ZNF385D: variants seen among roughly 807,000 people sequenced by gnomAD.
ZNF385D encodes zinc finger protein 659.
ZNF385D carries 15 observed loss-of-function variants against 35.8 expected under a neutral mutation model. That is an observed-to-expected ratio of 0.42 (90% CI 0.28 to 0.64). The LOEUF (loss-of-function observed/expected upper bound fraction) is 0.64, where lower values mean the gene tolerates loss of function less well. ZNF385D is among the 30% of genes least tolerant of loss of function. ZNF385D has a pLI of 0.23. For synonymous variants in ZNF385D, 212 were observed against 186.8 expected (o/e 1.13, Z -1.10); for missense variants, 474 against 494.6 (o/e 0.96, Z 0.39).
intron 3 of ZNF385D, among the ~76,000 whole-genome samples, chr3:21,946,204 C>T (rs1489146383): frequency 6.6e-6 from 1 of 152,014 alleles, no homozygotes; most frequent in African/African-American, 2.4e-5. Context: ...GAACTTTTCT[C>T]TTTTAACTTA....
At chr3:22,153,001 G>A (rs1413549259) in intron 3 of ZNF385D, among the ~76,000 whole-genome samples, 1 of 152,100 alleles carries the variant, frequency 6.6e-6, no homozygotes, top group African/African-American at 2.4e-5. Flanking sequence ...AGCTTAAAAT[G>A]TGCCATGGTG....
intron 3 of ZNF385D, among the ~76,000 whole-genome samples, chr3:21,922,491 T>C (rs563446528): frequency 4.7e-4 from 72 of 152,304 alleles, no homozygotes; most frequent in African/African-American, 1.4e-3. Context: ...GTCACACACG[T>C]ACAGCCATCT....
chr3:21,703,465 CT>C lies in ZNF385D; in HGVS notation c.23-38438del, dbSNP rs145958761. On this transcript the variant is annotated intron_variant, in intron 1 of 7. Coordinates refer to ENST00000281523, the MANE Select transcript of ZNF385D (RefSeq NM_024697.3). ...TAGCTCAAAGATAACCATTCTTCTCCTTGCCCAGGATATTGTGCAATCCCTT... is the reference window on the plus strand; with the variant it reads ...TAGCTCAAAGATAACCATTCTTCTCCTGCCCAGGATATTGTGCAATCCCTT... Among the ~76,000 whole-genome samples the C allele has an allele frequency of 6.7e-3, 1,024 of 152,202 alleles. 11 individuals are homozygous for C. The highest frequency in any genetic ancestry group is 0.023 in the African/African-American group (944 of 41,534).
chr3:21,471,291 TCTCTCACACACACA>T (rs1477053681), intron 4 of ZNF385D, among the ~76,000 whole-genome samples: 9 of 22,356 alleles, frequency 4.0e-4, no homozygotes, highest in Non-Finnish European at 8.7e-4. Context: ...TCTCTCTCTC[TCTCTCACACACACA>T]CACACACACA....
chr3:22,176,593 T>A (rs539163654), intron 2 of ZNF385D, among the ~76,000 whole-genome samples: 19 of 152,294 alleles, frequency 1.2e-4, no homozygotes, highest in East Asian at 1.2e-3. Flanking sequence ...AACTGAATAT[T>A]TGCAGACTCA....
intron 3 of ZNF385D, among the ~76,000 whole-genome samples, chr3:22,123,695 A>G (rs955701821): frequency 2.0e-5 from 3 of 152,090 alleles, no homozygotes; most frequent in Admixed American, 2.0e-4. Flanking sequence ...CCCCATCTCT[A>G]CTAAAAAGTA....
intron 3 of ZNF385D, among the ~76,000 whole-genome samples, chr3:22,070,491 T>G (rs1700178424): frequency 6.6e-6 from 1 of 152,112 alleles, no homozygotes; most frequent in Non-Finnish European, 1.5e-5. Context: ...TGCTTCATTA[T>G]CTCAAATTTC....
At position 22,221,392 on chromosome 3, in the gene ZNF385D, C is replaced by A. The variant is rs200953312; in HGVS notation, c.107-52357G>T. ...ATCACATTGCATATATACCCCCCCA[C>A]CTCATTTATTTTGAAGCAAATCCCA... is the stretch of plus-strand genomic sequence containing the variant. On this transcript the variant is annotated intron_variant, in intron 2 of 5. Transcript: ENST00000494108. Among the ~76,000 whole-genome samples the A allele has an allele frequency of 1.1e-4, 16 of 152,122 alleles. No individual in the cohort carries two copies. The East Asian group carries it at 1.7e-3, about 17-fold the overall frequency.
At chr3:22,124,354 A>T (rs1217974139) in intron 3 of ZNF385D, among the ~76,000 whole-genome samples, 7 of 152,082 alleles carry the variant, frequency 4.6e-5, no homozygotes, top group Admixed American at 2.0e-4. Context: ...GTTGATTCCA[A>T]TTCATAGCTA....
chr3:21,478,901 G>A (rs1285104511), intron 4 of ZNF385D, among the ~76,000 whole-genome samples: 1 of 151,870 alleles, frequency 6.6e-6, no homozygotes, highest in African/African-American at 2.4e-5. Flanking sequence ...GGAGGAGAAG[G>A]GAATCACAGG....
In ZNF385D at chr3:22,033,262, C is replaced by T. The variant is rs538821631; in HGVS notation, c.325+135555G>A. ...ACTAAAAATACAAAAATCAGCCTGG[C>T]ATGGTGGCGCGTGCCTGTCATCCCA... On this transcript the variant is annotated intron_variant, in intron 3 of 5. Transcript: ENST00000494108. Among the ~76,000 whole-genome samples the T allele has an allele frequency of 5.9e-5, 9 of 151,936 alleles. No individual in the cohort carries two copies. In the South Asian group the frequency reaches 1.9e-3, roughly 32 times the overall value.
intron 4 of ZNF385D, among the ~76,000 whole-genome samples, chr3:21,461,561 C>T (rs1382346007): frequency 6.6e-6 from 1 of 151,720 alleles, no homozygotes; most frequent in Admixed American, 6.6e-5. Context: ...AACAAACAAA[C>T]AAACAAACAA....
chr3:22,102,241 C>T lies in ZNF385D; in HGVS notation c.325+66576G>A, dbSNP rs557397193. On this transcript the variant is annotated intron_variant, in intron 3 of 5. Coordinates refer to the ZNF385D transcript ENST00000494108. ...TAGTCAATGTTTTTTTGAGCACTTG[C>T]TATTTGCCAGACACTGCTAAGTATT... 2.0e-5 allele frequency among the ~76,000 whole-genome samples: 3 copies of T among 152,016 alleles called. No individual in the cohort carries two copies. The East Asian group carries it at 5.8e-4, about 29-fold the overall frequency.
At chr3:22,066,074 G>T (rs1181507449) in intron 3 of ZNF385D, among the ~76,000 whole-genome samples, 2 of 152,090 alleles carry the variant, frequency 1.3e-5, no homozygotes, top group African/African-American at 4.8e-5. Flanking sequence ...TTCCAGAGAT[G>T]TTGTCAATGA....
intron 2 of ZNF385D, among the ~76,000 whole-genome samples, chr3:22,173,932 C>A (rs1266968240): frequency 1.3e-5 from 2 of 151,982 alleles, no homozygotes; most frequent in African/African-American, 4.8e-5. Context: ...AATAACTGGG[C>A]TACCAACCCA....
chr3:21,919,521 G>T (rs769260182), intron 3 of ZNF385D, among the ~76,000 whole-genome samples: 1 of 152,176 alleles, frequency 6.6e-6, no homozygotes. Flanking sequence ...CAAGTAGTGG[G>T]AGACAGACTG....
At chr3:21,588,989 A>T (rs545346711) in intron 2 of ZNF385D, among the ~76,000 whole-genome samples, 1 of 152,312 alleles carries the variant, frequency 6.6e-6, no homozygotes, top group South Asian at 2.1e-4. Context: ...TTTCAGCAGT[A>T]AATAAAACCA....
At chr3:22,233,956 T>C (rs1699035891) in intron 2 of ZNF385D, among the ~76,000 whole-genome samples, 1 of 152,072 alleles carries the variant, frequency 6.6e-6, no homozygotes, top group Non-Finnish European at 1.5e-5. Context: ...CACTCTTCTA[T>C]CTCCTAATCT....
chr3:22,175,953 T>C (rs1694805156), intron 2 of ZNF385D, among the ~76,000 whole-genome samples: 2 of 150,070 alleles, frequency 1.3e-5, no homozygotes, highest in East Asian at 3.9e-4. Context: ...AACATTAGCA[T>C]TTGAGAAAAT....
Sources: gnomAD v4.1 joint callset for allele counts (sites outside exome capture counted in the v4.1 genomes callset) on GRCh38, gnomAD v4.1.1 for gene constraint, MANE v1.5 for transcripts, NCBI Gene and HGNC (gene_info 2026-07-23, HGNC 2026-07-21) for gene names.